Variants in ELL observed in about 807,000 individuals in gnomAD.
ELL encodes RNA polymerase II elongation factor ELL.
ELL carries 18 observed loss-of-function variants against 64.0 expected under a neutral mutation model. The ratio of observed to expected loss-of-function variants is 0.28; its 90% CI spans 0.19 to 0.42. ELL has a LOEUF of 0.42. Among genes scored for constraint, ELL ranks in the 10% least tolerant of loss-of-function variants. The probability of loss-of-function intolerance (pLI) is 1.00; values close to 1 mark genes in which losing one functional copy is unlikely to be tolerated. For missense variants in ELL, 797 were observed against 870.4 expected (o/e 0.92, Z 1.06); for synonymous variants, 399 against 376.2 (o/e 1.06, Z -0.70).
intron 1 of ELL, among the ~76,000 whole-genome samples, chr19:18,492,368 G>C (rs1975551552): frequency 6.6e-6 from 1 of 152,126 alleles, no homozygotes; most frequent in African/African-American, 2.4e-5. Context: ...AATTTGAGTG[G>C]GATGAAGGAA....
intron 1 of ELL, among the ~76,000 whole-genome samples, chr19:18,495,358 G>C (rs1229970272): frequency 2.0e-5 from 3 of 152,176 alleles, no homozygotes; most frequent in African/African-American, 7.2e-5. Flanking sequence ...GGCTGCTGGG[G>C]TGTGGAGAGG....
chr19:18,498,660 G>A (rs1336786741), intron 1 of ELL, among the ~76,000 whole-genome samples: 1 of 152,144 alleles, frequency 6.6e-6, no homozygotes, highest in Admixed American at 6.5e-5. Flanking sequence ...GACAGGCTGG[G>A]TTAAGAACAC....
intron 1 of ELL, among the ~76,000 whole-genome samples, chr19:18,515,831 G>A (rs1976116667): frequency 6.6e-6 from 1 of 152,204 alleles, no homozygotes; most frequent in Non-Finnish European, 1.5e-5. Context: ...GAGGCAGTAT[G>A]GGCCAGTGAG....
intron 8 of ELL, among the ~76,000 whole-genome samples, chr19:18,450,060 G>T (rs1974488571): frequency 1.3e-5 from 2 of 152,236 alleles, no homozygotes; most frequent in Non-Finnish European, 2.9e-5. Context: ...CCTGAATAGG[G>T]CTGGCTTGCC....
intron 1 of ELL, among the ~76,000 whole-genome samples, chr19:18,493,158 T>C (rs949199772): frequency 6.6e-6 from 1 of 151,664 alleles, no homozygotes; most frequent in African/African-American, 2.4e-5. Flanking sequence ...GCTTATCCCA[T>C]GGAGACAAGC....
chr19:18,456,946 T>C (rs542304170), intron 6 of ELL, among the ~76,000 whole-genome samples: 1 of 140,202 alleles, frequency 7.1e-6, no homozygotes, highest in East Asian at 2.1e-4. Context: ...TTCTTAGGGA[T>C]GGGGTGCTAA....
chr19:18,502,032 G>A (rs1255770309), intron 1 of ELL, among the ~76,000 whole-genome samples: 4 of 152,142 alleles, frequency 2.6e-5, no homozygotes, highest in Admixed American at 2.0e-4. Flanking sequence ...GAGGCTGCTG[G>A]AGTGCGTCCC....
chr19:18,515,093 C>T (rs1243451726), intron 1 of ELL, among the ~76,000 whole-genome samples: 1 of 152,250 alleles, frequency 6.6e-6, no homozygotes, highest in Non-Finnish European at 1.5e-5. Flanking sequence ...CTGCTGTTTA[C>T]ACACAATCAC....
intron 1 of ELL, among the ~76,000 whole-genome samples, chr19:18,486,768 G>A (rs1403015518): frequency 6.6e-6 from 1 of 152,208 alleles, no homozygotes; most frequent in East Asian, 1.9e-4. Context: ...AGGATGCCAA[G>A]AGAATCTGGC....
chr19:18,457,908 A>G (rs1453904084), intron 6 of ELL, among the ~76,000 whole-genome samples: 1 of 152,162 alleles, frequency 6.6e-6, no homozygotes, highest in African/African-American at 2.4e-5. Context: ...GAAGTTGGGG[A>G]CAGCTGAGGA....
chr19:18,494,651 A>G (rs1435479611), intron 1 of ELL, among the ~76,000 whole-genome samples: 1 of 152,122 alleles, frequency 6.6e-6, no homozygotes. Flanking sequence ...TTGGCCTCCC[A>G]AAGTGCTGGG....
chr19:18,472,726 A>C, intron 2 of ELL, 109 bp downstream of exon 2: 2,681 of 1,046,110 alleles, frequency 2.6e-3, no homozygotes, highest in Non-Finnish European at 3.4e-3. Flanking sequence ...GGTGGCAGAC[A>C]GGGCCCAAAC....
intron 1 of ELL, among the ~76,000 whole-genome samples, chr19:18,505,503 ACCT>A (rs1273345172): frequency 6.6e-6 from 1 of 152,188 alleles, no homozygotes; most frequent in Non-Finnish European, 1.5e-5. Context: ...CATGCTCTTC[ACCT>A]CATCCAGAGT....
intron 1 of ELL, among the ~76,000 whole-genome samples, chr19:18,506,651 G>A (rs1335917860): frequency 6.6e-6 from 1 of 152,154 alleles, no homozygotes; most frequent in Non-Finnish European, 1.5e-5. Flanking sequence ...CTTGAGCCCG[G>A]GAGCCAAGGC....
chr19:18,447,543 G>A (rs1192757658), intron 8 of ELL, among the ~76,000 whole-genome samples: 1 of 152,230 alleles, frequency 6.6e-6, no homozygotes, highest in African/African-American at 2.4e-5. Context: ...AAGCAGCACA[G>A]CTGATGGCTA....
rs1974499550 is a variant in ELL at position 18,450,472 on chromosome 19, C to G, written c.1465+5G>C. 1 of 1,610,758 alleles carries G rather than the reference C, an allele frequency of 6.2e-7. No homozygotes were observed. Among genetic ancestry groups the G allele is most frequent in the Admixed American group, 1.7e-5 (1 of 59,950 alleles). The stretch of plus-strand genomic sequence containing the variant: ...CCGGCAACGCCCTCCTGCCTGGGCA[C>G]CTACCTGGGGTGTCTGCTGGGGCTC... On this transcript the variant is annotated splice_donor_5th_base_variant and intron_variant, in intron 8 of 11. Transcript: ENST00000262809.
chr19:18,509,582 T>TGA, intron 1 of ELL, among the ~76,000 whole-genome samples: 1 of 95,554 alleles, frequency 1.0e-5, no homozygotes, highest in African/African-American at 4.7e-5. Context: ...CCAATGCACG[T>TGA]GCGCGCGCGC....
chr19:18,471,776 TC>T (rs1975070126), intron 2 of ELL, among the ~76,000 whole-genome samples: 1 of 152,152 alleles, frequency 6.6e-6, no homozygotes, highest in South Asian at 2.1e-4. Context: ...TTTCTCTCAT[TC>T]CCTGATTTTT....
rs541385333 is a variant in ELL at position 18,477,334 on chromosome 19, G to A, written c.136-4452C>T. Among the ~76,000 whole-genome samples the A allele has an allele frequency of 3.9e-5, 6 of 152,252 alleles. No homozygotes were observed. In the South Asian group the frequency reaches 8.3e-4, roughly 21 times the overall value. The stretch of plus-strand genomic sequence containing the variant: ...CCACAGTAAGAAGCCTACAGGAAAC[G>A]AACACCACCTCGGTGACCTGCGGAC... On this transcript the variant is annotated intron_variant, in intron 1 of 11. Coordinates refer to ENST00000262809, the MANE Select transcript of ELL (RefSeq NM_006532.4).
Sources: allele counts gnomAD v4.1 joint callset (sites outside exome capture counted in the v4.1 genomes callset), GRCh38; gene constraint gnomAD v4.1.1; transcripts MANE v1.5; gene names NCBI Gene and HGNC (gene_info 2026-07-23, HGNC 2026-07-21).